VAC14: variants seen among roughly 807,000 people sequenced by gnomAD.
The protein encoded by VAC14 is protein VAC14 homolog.
VAC14 carries 47 observed loss-of-function variants against 85.3 expected under a neutral mutation model. That is an observed-to-expected ratio of 0.55 (90% CI 0.44 to 0.70). The LOEUF is 0.70. Ranked by LOEUF, VAC14 falls within the 30% of genes least tolerant of loss-of-function variation. VAC14 has a pLI of 0.00. For synonymous variants in VAC14, 447 were observed against 430.5 expected, an observed-to-expected ratio of 1.04 and a Z score of -0.47; for missense variants, 861 against 1,004.3, an observed-to-expected ratio of 0.86 and a Z score of 1.93.
Position 70,784,198 on chromosome 16 carries a change from T to C in VAC14, c.509A>G (p.Lys170Arg). ...GGGGATGAAGCTCACCAGGTCAAAC[T>C]TGTTGCTCTCAGTCACAATGTCCTG... ...LLKDIVTESN[K>R]FDLVSFIPLL... The change falls in exon 5 of 19, where the codon AAG becomes AGG. Residue 170 changes from lysine to arginine, a missense_variant. Lys to Arg is a conservative substitution (Grantham distance 26). Coordinates refer to ENST00000261776, the MANE Select transcript of VAC14 (RefSeq NM_018052.5). 1 of 1,614,142 alleles carries C rather than the reference T, an allele frequency of 6.2e-7. No homozygotes were observed. Among genetic ancestry groups the C allele is most frequent in the Non-Finnish European group, 8.5e-7 (1 of 1,180,032 alleles).
At chr16:70,759,052 G>A (rs947438991) in intron 12 of VAC14, among the ~76,000 whole-genome samples, 5 of 152,164 alleles carry the variant, frequency 3.3e-5, no homozygotes, top group East Asian at 3.9e-4. Context: ...GCGAGGCCAC[G>A]CACCCGTGGG....
intron 1 of VAC14, among the ~76,000 whole-genome samples, chr16:70,796,526 T>C (rs770079900): frequency 5.9e-5 from 9 of 152,148 alleles, no homozygotes; most frequent in South Asian, 2.1e-4. Context: ...CTGAGACACA[T>C]GAACCTGAGT....
intron 12 of VAC14, chr16:70,755,160 C>T (rs540774155): frequency 1.0e-4 from 29 of 288,996 alleles, no homozygotes; most frequent in South Asian, 5.8e-4. Flanking sequence ...GCCTGGCCAC[C>T]GGCCTCAGCG....
chr16:70,771,971 C>A (rs773153093), intron 10 of VAC14, 138 bp downstream of exon 10: 14 of 737,132 alleles, frequency 1.9e-5, no homozygotes, highest in Non-Finnish European at 3.2e-5. Flanking sequence ...TCAATTAACT[C>A]TTTTGTGTAC....
chr16:70,733,767 C>A (rs1256717138), intron 13 of VAC14, among the ~76,000 whole-genome samples: 1 of 152,144 alleles, frequency 6.6e-6, no homozygotes, highest in African/African-American at 2.4e-5. Flanking sequence ...ATAAAGCCTG[C>A]AGAACTGTAA....
chr16:70,730,907 T>C (rs2054572123), intron 14 of VAC14, among the ~76,000 whole-genome samples: 1 of 152,142 alleles, frequency 6.6e-6, no homozygotes, highest in Non-Finnish European at 1.5e-5. Flanking sequence ...CTGGAGGAAT[T>C]TGTGCCCTGC....
chr16:70,721,922 AG>A (rs1178719920), intron 14 of VAC14, among the ~76,000 whole-genome samples: 1 of 152,116 alleles, frequency 6.6e-6, no homozygotes, highest in African/African-American at 2.4e-5. Flanking sequence ...CTTTCCCCAC[AG>A]CACAGGAGCA....
intron 1 of VAC14, among the ~76,000 whole-genome samples, chr16:70,792,481 A>G (rs1379513183): frequency 6.6e-6 from 1 of 152,206 alleles, no homozygotes; most frequent in Admixed American, 6.5e-5. Flanking sequence ...AAAAAGTGCT[A>G]AAGAACCCTG....
intron 13 of VAC14, among the ~76,000 whole-genome samples, chr16:70,734,299 C>A (rs1470591824): frequency 6.6e-6 from 1 of 152,036 alleles, no homozygotes; most frequent in Non-Finnish European, 1.5e-5. Context: ...CCATCACACC[C>A]AGCTAAATTT....
At chr16:70,752,921 A>C (rs2031504605) in intron 12 of VAC14, among the ~76,000 whole-genome samples, 1 of 151,990 alleles carries the variant, frequency 6.6e-6, no homozygotes, top group African/African-American at 2.4e-5. Context: ...CACGATGGAG[A>C]GGGATTAGAG....
At chr16:70,688,489 G>C (rs1034192894) in intron 18 of VAC14, 1 of 990,370 alleles carries the variant, frequency 1.0e-6, no homozygotes, top group African/African-American at 1.7e-5. Flanking sequence ...TGGCAGCTTG[G>C]CCCTTTCTCT....
intron 14 of VAC14, among the ~76,000 whole-genome samples, chr16:70,710,215 GA>G (rs1460529919): frequency 1.3e-5 from 2 of 152,226 alleles, no homozygotes; most frequent in Admixed American, 1.3e-4. Flanking sequence ...ATGTTCCCAT[GA>G]ACATGTTCCC....
intron 12 of VAC14, among the ~76,000 whole-genome samples, chr16:70,746,505 C>T (rs1329984049): frequency 1.8e-4 from 28 of 152,178 alleles, no homozygotes. Flanking sequence ...CTGATGAATC[C>T]ACGTGGCTGA....
chr16:70,790,140 C>A (rs755496385), intron 1 of VAC14, among the ~76,000 whole-genome samples: 19 of 152,188 alleles, frequency 1.2e-4, no homozygotes, highest in Non-Finnish European at 2.4e-4. Context: ...ACAGAAAAAA[C>A]ACTTGGTAAG....
chr16:70,739,387 G>A (rs1337768213), intron 13 of VAC14, among the ~76,000 whole-genome samples: 1 of 152,206 alleles, frequency 6.6e-6, no homozygotes, highest in Admixed American at 6.5e-5. Flanking sequence ...CAAATGACAA[G>A]AAATGAGGCA....
chr16:70,721,342 G>A (rs1206876694), intron 14 of VAC14, among the ~76,000 whole-genome samples: 1 of 152,090 alleles, frequency 6.6e-6, no homozygotes. Flanking sequence ...TGGGAGGAAG[G>A]GAAGAGGAGA....
Sources: gnomAD v4.1 joint callset for allele counts (sites outside exome capture counted in the v4.1 genomes callset) on GRCh38, gnomAD v4.1.1 for gene constraint, MANE v1.5 for transcripts, NCBI Gene and HGNC (gene_info 2026-07-23, HGNC 2026-07-21) for gene names.